XRN1: variants seen among roughly 807,000 people sequenced by gnomAD.
XRN1 encodes strand-exchange protein 1 homolog.
A neutral mutation model predicts 222.3 loss-of-function variants in XRN1; 67 were observed. The ratio of observed to expected loss-of-function variants is 0.30; its 90% CI spans 0.25 to 0.37. The LOEUF is 0.37. XRN1 is among the 10% of genes least tolerant of loss of function. XRN1 has a pLI of 1.00. For missense variants in XRN1, 1,707 were observed against 2,000.2 expected (o/e 0.85, Z 2.80); for synonymous variants, 643 against 652.4 (o/e 0.99, Z 0.22).
At chr3:142,413,542 T>TA (rs2068669472) in intron 14 of XRN1, among the ~76,000 whole-genome samples, 2 of 152,212 alleles carry the variant, frequency 1.3e-5, no homozygotes, top group African/African-American at 4.8e-5. Flanking sequence ...AACAGATTGT[T>TA]ACCCTCAAAG....
intron 18 of XRN1, among the ~76,000 whole-genome samples, chr3:142,401,671 G>A (rs181617905): frequency 3.3e-5 from 5 of 152,116 alleles, no homozygotes; most frequent in African/African-American, 1.2e-4. Context: ...CCAAGATAGC[G>A]CCACTGCACT....
chr3:142,446,161 A>G (rs1259467359), intron 1 of XRN1, among the ~76,000 whole-genome samples: 1 of 152,212 alleles, frequency 6.6e-6, no homozygotes, highest in Non-Finnish European at 1.5e-5. Context: ...CTGAAAACCT[A>G]TGCTACTGAG....
In XRN1 at chr3:142,384,359, T is replaced by C. The variant is rs117910881; in HGVS notation, c.2502+164A>G. On this transcript the variant is annotated intron_variant, in intron 21 of 40. Transcript: ENST00000392981. ...ATATACTGAGTGTCTGAGCATGTAA[T>C]ACTTCTTACAAATAATAAGTTATTT... Among the ~76,000 whole-genome samples the C allele has an allele frequency of 5.9e-4, 90 of 151,856 alleles. 1 individual carries two copies. The East Asian group carries it at 0.016, about 27-fold the overall frequency.
intron 4 of XRN1, 47 bp from the exon 5 acceptor site, chr3:142,425,379 A>T (rs776243770): frequency 4.4e-6 from 7 of 1,581,654 alleles, no homozygotes; most frequent in Non-Finnish European, 6.0e-6. Context: ...TATATGCTTG[A>T]GAATATTAAA....
chr3:142,424,348 G>A (rs1157254054), intron 5 of XRN1, among the ~76,000 whole-genome samples: 1 of 152,064 alleles, frequency 6.6e-6, no homozygotes, highest in Non-Finnish European at 1.5e-5. Flanking sequence ...TGGCCGCCTC[G>A]GCCTCCCAAA....
At chr3:142,439,966 C>T (rs1485825990) in intron 1 of XRN1, among the ~76,000 whole-genome samples, 2 of 152,182 alleles carry the variant, frequency 1.3e-5, no homozygotes, top group African/African-American at 4.8e-5. Flanking sequence ...CCCACTACCT[C>T]AGGAGACGAA....
At position 142,384,478 on chromosome 3, in the gene XRN1, T is replaced by G; in HGVS notation, c.2502+45A>C. The G allele has an allele frequency of 3.3e-6, 5 of 1,502,764 alleles. No homozygotes were observed. In the East Asian group the frequency reaches 6.9e-5, roughly 21 times the overall value. 93.1% of individuals were successfully genotyped at this position (1,502,764 alleles called of 1,614,324 possible). ...TTTCATTATACAGTGAATAGTGTAT[T>G]AATAGTGTATATTAAGACAGAATTG... On this transcript the variant is annotated intron_variant, in intron 21 of 40. Coordinates refer to ENST00000392981, the MANE Select transcript of XRN1 (RefSeq NM_001282857.2).
chr3:142,318,931 G>T, intron 37 of XRN1, 28 bp from the exon 38 acceptor site: 1 of 1,575,082 alleles, frequency 6.3e-7, no homozygotes, highest in Non-Finnish European at 8.7e-7. Context: ...ATATGTCTAT[G>T]AAATTCTCTG....
chr3:142,373,461 G>A (rs1651382203), intron 25 of XRN1, among the ~76,000 whole-genome samples: 4 of 152,066 alleles, frequency 2.6e-5, no homozygotes, highest in Admixed American at 2.0e-4. Context: ...AAGTTTCTCA[G>A]AATGGAAGGG....
chr3:142,332,305 T>C (rs4608715), intron 36 of XRN1, 70 bp downstream of exon 36: 651,076 of 1,170,734 alleles, frequency 0.56, 185,377 homozygotes, highest in African/African-American at 0.85. Context: ...TAAAAGTACA[T>C]GATTAAAAAG....
chr3:142,326,530 CAATTCT>C (rs1425902311), intron 37 of XRN1, among the ~76,000 whole-genome samples: 1 of 151,922 alleles, frequency 6.6e-6, no homozygotes, highest in African/African-American at 2.4e-5. Flanking sequence ...CTGAATTTAT[CAATTCT>C]AATAGTTTTT....
chr3:142,383,395 A>G lies in XRN1; in HGVS notation c.2521T>C (p.Ser841Pro). The change falls in exon 22 of 41, where the codon TCC (serine) becomes CCC (proline). Residue 841 changes from serine to proline, a missense_variant. Ser to Pro is a moderately conservative substitution (Grantham distance 74). Transcript: ENST00000392981. Reference protein sequence around the residue: ...TIVKDIRAFDSRFSNIKTLDD... With the variant: ...TIVKDIRAFDPRFSNIKTLDD... ...AATGTTTTGATATTGGAGAAACGGG[A>G]GTCGAAAGCTCGGATGTCCTACATA... 1.2e-6 allele frequency: 2 copies of G among 1,613,688 alleles called. No homozygotes were observed. Among genetic ancestry groups the G allele is most frequent in the Non-Finnish European group, 1.7e-6 (2 of 1,179,834 alleles).
In XRN1 at chr3:142,307,134, CA is replaced by C. The variant is rs1259823258; in HGVS notation, c.*4376del. 4 of 151,916 alleles carry C rather than the reference CA, an allele frequency of 2.6e-5. No individual in the cohort carries two copies. The highest frequency in any genetic ancestry group is 5.9e-5 in the Non-Finnish European group (4 of 67,942). 9.4% of individuals were successfully genotyped at this position (151,916 alleles called of 1,614,324 possible). On this transcript the variant is annotated 3_prime_UTR_variant, in exon 41 of 41. Coordinates refer to ENST00000392981, the MANE Select transcript of XRN1 (RefSeq NM_001282857.2). ...CTTAAAGCCAAAAGACAAAAAAATCCAAAAAACGAAAACAACCTCCCCATCC... is the reference window on the plus strand; with the variant it reads ...CTTAAAGCCAAAAGACAAAAAAATCCAAAAACGAAAACAACCTCCCCATCC...
At position 142,355,426 on chromosome 3, in the gene XRN1, T is replaced by C. The variant is rs745923876; in HGVS notation, c.3743A>G (p.Tyr1248Cys). The C allele has an allele frequency of 1.2e-5, 19 of 1,582,716 alleles. No homozygotes were observed. The South Asian group carries it at 2.1e-4, about 18-fold the overall frequency. The change falls in exon 32 of 41, where the codon TAC becomes TGC. Residue 1248 changes from tyrosine (Y) to cysteine (C), a missense_variant. By Grantham distance (194) the Tyr-to-Cys change is radical. Around this residue, in one of 2 missense-constraint regions of XRN1, gnomAD observed 1,234 missense variants for 1,518.2 expected, o/e 0.81. Coordinates refer to ENST00000392981, the MANE Select transcript of XRN1 (RefSeq NM_001282857.2). ...QSLQGSGKMQ[Y>C]FQPTIQEKGA... ...CTTCTCTTGTATAGTTGGCTGAAAG[T>C]ATTGCATCTTTCCAGATCCCTGTAA...
At chr3:142,383,116 G>A (rs575872142) in intron 22 of XRN1, among the ~76,000 whole-genome samples, 184 bp downstream of exon 22, 47 of 152,176 alleles carry the variant, frequency 3.1e-4, no homozygotes, top group African/African-American at 9.9e-4. Context: ...AAAGTATATG[G>A]TCTTTAGTCT....
Position 142,318,832 on chromosome 3 carries a change from A to G in XRN1, c.4476T>C (p.Asn1492=), listed in dbSNP as rs1437292303. ...LVHGPQCHSE[N]EAKEKAALFA... Reference sequence around the variant, plus strand: ...AAAGTGCAGCTTTCTCTTTGGCTTCATTTTCAGAGTGGCACTGTGGCCCAT... The same window carrying G: ...AAAGTGCAGCTTTCTCTTTGGCTTCGTTTTCAGAGTGGCACTGTGGCCCAT... The change falls in exon 38 of 41, where the codon AAT becomes AAC. Residue 1492 remains asparagine (N), a synonymous_variant. Coordinates refer to ENST00000392981, the MANE Select transcript of XRN1 (RefSeq NM_001282857.2). The G allele has an allele frequency of 6.2e-7, 1 of 1,613,970 alleles. No individual in the cohort carries two copies. Among genetic ancestry groups the G allele is most frequent in the South Asian group, 1.1e-5 (1 of 91,076 alleles).
At chr3:142,437,382 G>C (rs2069961217) in intron 1 of XRN1, among the ~76,000 whole-genome samples, 1 of 152,116 alleles carries the variant, frequency 6.6e-6, no homozygotes, top group Non-Finnish European at 1.5e-5. Flanking sequence ...ATGCCCCTCA[G>C]TTTCCCAACA....
chr3:142,318,931 G>C, intron 37 of XRN1, 28 bp from the exon 38 acceptor site: 1 of 1,575,084 alleles, frequency 6.3e-7, no homozygotes, highest in African/African-American at 1.4e-5. Flanking sequence ...ATATGTCTAT[G>C]AAATTCTCTG....
At chr3:142,444,482 A>G (rs1245125808) in intron 1 of XRN1, among the ~76,000 whole-genome samples, 1 of 152,094 alleles carries the variant, frequency 6.6e-6, no homozygotes, top group Non-Finnish European at 1.5e-5. Context: ...GTAGTGGCAC[A>G]CGCCTAATCC....
Sources: allele counts gnomAD v4.1 joint callset (sites outside exome capture counted in the v4.1 genomes callset), GRCh38; gene constraint gnomAD v4.1.1; regional missense constraint gnomAD v4.1.1; transcripts MANE v1.5; gene names NCBI Gene and HGNC (gene_info 2026-07-23, HGNC 2026-07-21).